Variants in PITPNM1 observed in about 807,000 individuals in gnomAD.
PITPNM1 encodes phosphatidylinositol transfer protein membrane associated 1.
In PITPNM1, 74 loss-of-function variants were observed where a neutral mutation model predicts 133.3. The ratio of observed to expected loss-of-function variants is 0.56; its 90% CI spans 0.46 to 0.67. PITPNM1 has a LOEUF of 0.67. Among genes scored for constraint, PITPNM1 ranks in the 30% least tolerant of loss-of-function variants. The probability of loss-of-function intolerance (pLI) is 0.00; values close to 1 mark genes in which losing one functional copy is unlikely to be tolerated. For synonymous variants in PITPNM1, 738 were observed against 741.4 expected, an observed-to-expected ratio of 1.00 and a Z score of 0.08; for missense variants, 1,398 against 1,739.5, an observed-to-expected ratio of 0.80 and a Z score of 3.49.
In PITPNM1 at chr11:67,497,255, T is replaced by G; in HGVS notation, c.2122A>C (p.Lys708Gln). The G allele has an allele frequency of 1.2e-6, 2 of 1,610,732 alleles. No homozygotes were observed. Among genetic ancestry groups the G allele is most frequent in the Non-Finnish European group, 1.7e-6 (2 of 1,178,588 alleles). ...CCCTCCAGGGCGGGCATCACAGTTTTGCGCAGAGCCAGCACCAGGCCCAGT... is the reference window on the plus strand; with the variant it reads ...CCCTCCAGGGCGGGCATCACAGTTTGGCGCAGAGCCAGCACCAGGCCCAGT... ...SPLGLVLALRKTVMPALEAAQ... is the reference protein window; with the variant it reads ...SPLGLVLALRQTVMPALEAAQ... Residue 708 changes from lysine to glutamine, a missense_variant, in exon 14 of 24, where the codon AAA becomes CAA. Around this residue, in one of 5 missense-constraint regions of PITPNM1, gnomAD observed 574 missense variants for 698.7 expected, o/e 0.82. Transcript: ENST00000356404.
At position 67,497,969 on chromosome 11, in the gene PITPNM1, T is replaced by A. The variant is rs1419587078; in HGVS notation, c.1730A>T (p.His577Leu). 3 of 1,611,354 alleles carry A rather than the reference T, an allele frequency of 1.9e-6. No individual in the cohort carries two copies. ...ACTCCCGGTGCCCGCGTTAGCACTG[T>A]GGCAGAGTGCATCAAAGCCCAGGAT... ...GGILGFDALC[H>L]SANAGTGSRG... Residue 577 changes from histidine to leucine, a missense_variant, in exon 12 of 24, where the codon CAC becomes CTC. By Grantham distance (99) the His-to-Leu change is moderately conservative. Transcript: ENST00000356404.
At chr11:67,495,288 G>T (rs1866081922) in intron 16 of PITPNM1, 63 bp from the exon 17 acceptor site, 1 of 1,511,912 alleles carries the variant, frequency 6.6e-7, no homozygotes, top group Non-Finnish European at 8.9e-7. Flanking sequence ...CCTGGGCGCT[G>T]GGTGCTCTTC....
In PITPNM1 at chr11:67,498,478, G is replaced by A. The variant is rs375911692; in HGVS notation, c.1484+118C>T. 2 of 1,477,412 alleles carry A rather than the reference G, an allele frequency of 1.4e-6. No individual in the cohort carries two copies. The highest frequency in any genetic ancestry group is 1.8e-6 in the Non-Finnish European group (2 of 1,096,108). 91.5% of individuals were successfully genotyped at this position (1,477,412 alleles called of 1,614,324 possible). On this transcript the variant is annotated intron_variant, in intron 10 of 23. Coordinates refer to ENST00000356404, the MANE Select transcript of PITPNM1 (RefSeq NM_004910.3). This position sits in a 1 kb window ranked among gnomAD's most constrained non-coding sequence, Gnocchi z 5.7. ...TGAAATGGAGCCATTCTCCAGAACA[G>A]GTCCAGCCATGCCAGTGACCGACCC...
rs1323653155 is a variant in PITPNM1, at chr11:67,493,912, C to A, written c.3008+10G>T. On this transcript the variant is annotated intron_variant, in intron 20 of 23. Transcript: ENST00000356404. Reference sequence around the variant, plus strand: ...AGCCCTCCCGCAGAGGCCCGGCCAGCCGCGCTCACCTGACCACCATGCGCA... The same window carrying A: ...AGCCCTCCCGCAGAGGCCCGGCCAGACGCGCTCACCTGACCACCATGCGCA... 4 of 1,535,854 alleles carry A rather than the reference C, an allele frequency of 2.6e-6. No individual in the cohort carries two copies. The highest frequency in any genetic ancestry group is 3.5e-6 in the Non-Finnish European group (4 of 1,141,400).
Position 67,496,295 on chromosome 11 carries a change from C to T in PITPNM1, c.2200G>A (p.Asp734Asn), listed in dbSNP as rs758213992. 1.6e-5 allele frequency: 25 copies of T among 1,582,432 alleles called. 1 individual carries two copies. Among genetic ancestry groups the T allele is most frequent in the Admixed American group, 1.1e-4 (6 of 54,054 alleles). ...GGCTCGAGGCGTGAGGCGCAGGGGT[C>T]AGCCGCGTGGAAGAGGTTGTAGATC... ...EQIYNLFHAADPCASRLEPLL... is the reference protein window; with the variant it reads ...EQIYNLFHAANPCASRLEPLL... Residue 734 changes from aspartate to asparagine, a missense_variant, in exon 15 of 24, where the codon GAC becomes AAC. Physicochemically the swap from Asp to Asn is conservative, Grantham distance 23. This residue lies in a region of PITPNM1 where 574 missense variants were observed against 698.7 expected (regional missense o/e 0.82). Transcript: ENST00000356404.
Position 67,498,157 on chromosome 11 carries a change from A to C in PITPNM1, c.1650T>G (p.Pro550=), listed in dbSNP as rs2134300666. 1.2e-6 allele frequency: 2 copies of C among 1,612,922 alleles called. No individual in the cohort carries two copies. Among genetic ancestry groups the C allele is most frequent in the East Asian group, 4.5e-5 (2 of 44,904 alleles). Residue 550 remains proline, a synonymous_variant, in exon 11 of 24, where the codon CCT becomes CCG. Transcript: ENST00000356404. This position sits in a 1 kb window ranked among gnomAD's most constrained non-coding sequence, Gnocchi z 5.7. ...NQAYSAFLRS[P]EGAGFCGQVA... is the part of the protein sequence containing the mutation. ...CCTGCCCACAGAAGCCGGCACCCTC[A>C]GGTGAGCGCAGGAAGGCTGAGTAGG...
chr11:67,493,528 C>T lies in PITPNM1; in HGVS notation c.3224G>A (p.Arg1075His), dbSNP rs774933322. 2 of 1,586,438 alleles carry T rather than the reference C, an allele frequency of 1.3e-6. No individual in the cohort carries two copies. The highest frequency in any genetic ancestry group is 1.1e-5 in the South Asian group (1 of 87,854). The part of the protein sequence containing the change: ...VTGRPDMQKH[R>H]VVAWLSQHNF... The stretch of plus-strand genomic sequence containing the variant: ...GTGCTGCGACAGCCATGCCACCACG[C>T]GGTGCTTCTGCATATCCGGCCGGCC... The change falls in exon 22 of 24, where the codon CGC becomes CAC. Residue 1075 changes from arginine (R) to histidine (H), a missense_variant. By Grantham distance (29) the Arg-to-His change is conservative. Coordinates refer to ENST00000356404, the MANE Select transcript of PITPNM1 (RefSeq NM_004910.3).
At position 67,504,329 on chromosome 11, in the gene PITPNM1, C is replaced by T; in HGVS notation, c.-41-108G>A. On this transcript the variant is annotated intron_variant, in intron 1 of 23. Transcript: ENST00000356404. The surrounding 1 kb of genome is among the most constrained non-coding windows in gnomAD (Gnocchi z 5.4). ...CCACGGGACCCCATGTCCGGGCCCG[C>T]CACGAGGGAGGCAGAGGCGAGCCTA... is the stretch of plus-strand genomic sequence containing the variant. 2.8e-6 allele frequency: 1 copy of T among 360,258 alleles called. No homozygotes were observed. The highest frequency in any genetic ancestry group is 1.2e-4 in the South Asian group (1 of 8,222). The allele number at this position is 360,258 out of a possible 1,614,324, so 22.3% of individuals were successfully genotyped here.
In PITPNM1 at chr11:67,498,777, T is replaced by G. The variant is rs1382426602; in HGVS notation, c.1303A>C (p.Ser435Arg). 6.2e-7 allele frequency: 1 copy of G among 1,612,352 alleles called. No individual in the cohort carries two copies. Among genetic ancestry groups the G allele is most frequent in the Non-Finnish European group, 8.5e-7 (1 of 1,179,990 alleles). ...GGGCCTGAGTCCAGGATGTTGCCGC[T>G]GTGCAGGATAAGGAAGAGGGCGTGG... Reference protein sequence around the residue: ...AVHALFLILHSGNILDSGPGD... With the variant: ...AVHALFLILHRGNILDSGPGD... The change falls in exon 10 of 24, where the codon AGC becomes CGC. Residue 435 changes from serine to arginine, a missense_variant. Around this residue, in one of 5 missense-constraint regions of PITPNM1, gnomAD observed 574 missense variants for 698.7 expected, o/e 0.82. Coordinates refer to ENST00000356404, the MANE Select transcript of PITPNM1 (RefSeq NM_004910.3). This position sits in a 1 kb window ranked among gnomAD's most constrained non-coding sequence, Gnocchi z 5.7.
chr11:67,494,142 G>T (rs1866029166), intron 19 of PITPNM1, 72 bp from the exon 20 acceptor site: 9 of 1,578,544 alleles, frequency 5.7e-6, no homozygotes, highest in Non-Finnish European at 7.8e-6. Context: ...GCTGTCGTCG[G>T]GGATGGGTGG....
rs1394339763 is a variant in PITPNM1, at chr11:67,494,312, G to T, written c.2791C>A (p.Arg931Ser). 6.2e-7 allele frequency: 1 copy of T among 1,611,830 alleles called. No individual in the cohort carries two copies. The highest frequency in any genetic ancestry group is 8.5e-7 in the Non-Finnish European group (1 of 1,179,566). ...RASDTVVCEG[R>S]PQVLSGRFMY... is the part of the protein sequence containing the mutation. ...AAGCGCCCGCTTAGCACCTGGGGGC[G>T]GCCCTCGCACACCACCGTGTCGCTC... Residue 931 changes from arginine (R) to serine (S), a missense_variant, in exon 19 of 24, where the codon CGC (arginine) becomes AGC (serine). Physicochemically the swap from Arg to Ser is moderately radical, Grantham distance 110 (BLOSUM62 -1). This residue lies in a region of PITPNM1 where 233 missense variants were observed against 378.0 expected (regional missense o/e 0.62). Coordinates refer to ENST00000356404, the MANE Select transcript of PITPNM1 (RefSeq NM_004910.3).
Position 67,502,785 on chromosome 11 carries a change from G to C in PITPNM1, c.79-67C>G. On this transcript the variant is annotated intron_variant, in intron 2 of 23. Coordinates refer to ENST00000356404, the MANE Select transcript of PITPNM1 (RefSeq NM_004910.3). The surrounding 1 kb of genome is among the most constrained non-coding windows in gnomAD (Gnocchi z 5.9). The stretch of plus-strand genomic sequence containing the variant: ...CTTAGCATCTGGGATCCCCAGCTCA[G>C]CCTGGTGTTCTACACAGCTCTGGGG... The C allele has an allele frequency of 6.6e-7, 1 of 1,515,870 alleles. No individual in the cohort carries two copies. The allele number at this position is 1,515,870 out of a possible 1,614,324, so 93.9% of individuals were successfully genotyped here.
In PITPNM1 at chr11:67,493,825, G is replaced by A; in HGVS notation, c.3021C>T (p.Thr1007=). The A allele has an allele frequency of 1.3e-6, 2 of 1,546,406 alleles. No homozygotes were observed. The highest frequency in any genetic ancestry group is 1.7e-6 in the Non-Finnish European group (2 of 1,145,354). ...CCACAGTCAGGCAGCATTCGGCATA[G>A]GTGTGGTCGCCCCTGCGGCCCACGG... The part of the protein sequence containing the change: ...PVRMVVRGDH[T]YAECCLTVVA... The change falls in exon 21 of 24, where the codon ACC becomes ACT. Residue 1007 remains threonine, a synonymous_variant. Coordinates refer to ENST00000356404, the MANE Select transcript of PITPNM1 (RefSeq NM_004910.3).
At position 67,492,092 on chromosome 11, in the gene PITPNM1, T is replaced by C; in HGVS notation, c.3676A>G (p.Thr1226Ala). Residue 1226 changes from threonine to alanine, a missense_variant, in exon 24 of 24, where the codon ACC becomes GCC. Coordinates refer to ENST00000356404, the MANE Select transcript of PITPNM1 (RefSeq NM_004910.3). ...AEREGPGTPP[T>A]TLARGKARSI... ...CGTGCTTTGCCCCGTGCCAGGGTGG[T>C]GGGTGGTGTTCCCGGGCCCTCACGC... 6.2e-7 allele frequency: 1 copy of C among 1,612,484 alleles called. No homozygotes were observed. Among genetic ancestry groups the C allele is most frequent in the Middle Eastern group, 1.7e-4 (1 of 6,058 alleles).
rs1268848090 is a variant in PITPNM1 at position 67,497,952 on chromosome 11, T to C, written c.1747A>G (p.Thr583Ala). The C allele has an allele frequency of 1.2e-6, 2 of 1,610,996 alleles. No homozygotes were observed. Among genetic ancestry groups the C allele is most frequent in the African/African-American group, 2.7e-5 (2 of 74,906 alleles). ...DALCHSANAG[T>A]GSRGSSRRGS... ...CGGCGGCTGCTGCCCCGACTCCCGG[T>C]GCCCGCGTTAGCACTGTGGCAGAGT... The change falls in exon 12 of 24, where the codon ACC becomes GCC. Residue 583 changes from threonine to alanine, a missense_variant. Around this residue, in one of 5 missense-constraint regions of PITPNM1, gnomAD observed 574 missense variants for 698.7 expected, o/e 0.82. Transcript: ENST00000356404.
rs777575604 is a variant in PITPNM1 at position 67,504,136 on chromosome 11, G to C, written c.45C>G (p.Asp15Glu). 1.1e-5 allele frequency: 17 copies of C among 1,609,402 alleles called. 1 individual carries two copies. In the South Asian group the frequency reaches 1.9e-4, roughly 18 times the overall value. ...TGTAGAGCTGGGCCACCTGGTACTC[G>C]TCCAGGCTCATGGGCAGCAGAATGT... ...EYHILLPMSLDEYQVAQLYMI... is the reference protein window; with the variant it reads ...EYHILLPMSLEEYQVAQLYMI... Residue 15 changes from aspartate (D) to glutamate (E), a missense_variant, in exon 2 of 24, where the codon GAC becomes GAG. By Grantham distance (45) the Asp-to-Glu change is conservative. Coordinates refer to ENST00000356404, the MANE Select transcript of PITPNM1 (RefSeq NM_004910.3). The surrounding 1 kb of genome is among the most constrained non-coding windows in gnomAD (Gnocchi z 5.4).
chr11:67,493,999 G>C lies in PITPNM1; in HGVS notation c.2931C>G (p.Ser977Arg). 1.2e-6 allele frequency: 2 copies of C among 1,612,194 alleles called. No individual in the cohort carries two copies. The highest frequency in any genetic ancestry group is 1.7e-6 in the Non-Finnish European group (2 of 1,179,706). ...WIHFGTEVTN[S>R]SGRLTFPVPP... ...GAACTGGGAAGGTGAGGCGGCCCGA[G>C]CTATTGGTGACTTCGGTGCCAAAGT... Residue 977 changes from serine (S) to arginine (R), a missense_variant, in exon 20 of 24, where the codon AGC becomes AGG. Ser to Arg is a moderately radical substitution (Grantham distance 110). Around this residue, in one of 5 missense-constraint regions of PITPNM1, gnomAD observed 233 missense variants for 378.0 expected, o/e 0.62. Transcript: ENST00000356404.
At chr11:67,495,298 C>T (rs1432780580) in intron 16 of PITPNM1, 73 bp from the exon 17 acceptor site, 2 of 1,494,414 alleles carry the variant, frequency 1.3e-6, no homozygotes, top group Admixed American at 4.4e-5. Flanking sequence ...GGGTGCTCTT[C>T]CCTCCCCCCT....
upstream of PITPNM1, chr11:67,506,181 C>A (rs1169967880): frequency 6.4e-6 from 1 of 155,790 alleles, no homozygotes. Flanking sequence ...CTTACGTGAA[C>A]TGGCATTTCC....
Sources: allele counts gnomAD v4.1 joint callset, GRCh38; gene constraint gnomAD v4.1.1; regional missense constraint gnomAD v4.1.1; non-coding constraint Gnocchi (gnomAD v3.1); transcripts MANE v1.5; gene names NCBI Gene and HGNC (gene_info 2026-07-23, HGNC 2026-07-21).